The following SLC35F2 variants were observed in gnomAD, a reference collection of about 807,000 sequenced individuals.
SLC35F2 encodes solute carrier family 35 member F2.
SLC35F2 carries 25 observed loss-of-function variants against 38.1 expected under a neutral mutation model. The ratio of observed to expected loss-of-function variants is 0.66; its 90% CI spans 0.48 to 0.92. The LOEUF (loss-of-function observed/expected upper bound fraction) is 0.92. Ranked by LOEUF, SLC35F2 falls within the 40% of genes least tolerant of loss-of-function variation. The pLI is 0.00. For synonymous variants in SLC35F2, 173 were observed against 181.7 expected, an observed-to-expected ratio of 0.95 and a Z score of 0.38; for missense variants, 409 against 452.9, an observed-to-expected ratio of 0.90 and a Z score of 0.88.
intron 1 of SLC35F2, among the ~76,000 whole-genome samples, chr11:107,833,998 G>A (rs1025695956): frequency 7.9e-5 from 12 of 152,184 alleles, no homozygotes; most frequent in Middle Eastern, 3.2e-3. Context: ...ATGCTATGCC[G>A]GACACGGACT....
Position 107,807,271 on chromosome 11 carries a change from C to CAAAA in SLC35F2, c.415-399_415-396dup, listed in dbSNP as rs201964530. Among the ~76,000 whole-genome samples the CAAAA allele has an allele frequency of 1.4e-4, 10 of 70,900 alleles. 1 individual carries two copies. Among genetic ancestry groups the CAAAA allele is most frequent in the African/African-American group, 2.2e-4 (4 of 18,100 alleles). The allele number at this position is 70,900 out of a possible 152,430, so 46.5% of individuals were successfully genotyped here. A position where few individuals can be genotyped will look rare whatever the true frequency, so the allele number is the denominator to read the frequency against. On this transcript the variant is annotated intron_variant, in intron 3 of 7. Coordinates refer to ENST00000525815, the MANE Select transcript of SLC35F2 (RefSeq NM_017515.5). ...GCAACATGGTGAAACCCTGTCTGTACAAAAAAAAAAAAAAACAACAACAAA... is the reference window on the plus strand; with the variant it reads ...GCAACATGGTGAAACCCTGTCTGTACAAAAAAAAAAAAAAAAAAACAACAACAAA...
chr11:107,809,329 C>CAAAAAAAAAA (rs61511493), intron 3 of SLC35F2, among the ~76,000 whole-genome samples: 4 of 96,120 alleles, frequency 4.2e-5, no homozygotes, highest in African/African-American at 7.0e-5. Context: ...ACTCAAAATA[C>CAAAAAAAAAA]AAAAAAAAAA....
chr11:107,845,217 A>C (rs1860087350), intron 1 of SLC35F2, among the ~76,000 whole-genome samples: 1 of 152,156 alleles, frequency 6.6e-6, no homozygotes, highest in African/African-American at 2.4e-5. Context: ...ATGCAGCACA[A>C]CACCATCCTC....
chr11:107,832,296 T>C (rs1283080157), intron 1 of SLC35F2, among the ~76,000 whole-genome samples: 1 of 152,198 alleles, frequency 6.6e-6, no homozygotes, highest in Non-Finnish European at 1.5e-5. Context: ...CCGGAACTGG[T>C]TTATTCTATT....
At chr11:107,853,719 CAAAAA>C (rs67932834) in intron 1 of SLC35F2, among the ~76,000 whole-genome samples, 1 of 68,190 alleles carries the variant, frequency 1.5e-5, no homozygotes, top group South Asian at 6.1e-4. Flanking sequence ...GACTCCGTCT[CAAAAA>C]AAAAAAAAAA....
rs554957978 is a variant in SLC35F2 at position 107,808,014 on chromosome 11, C to A, written c.415-1138G>T. On this transcript the variant is annotated intron_variant, in intron 3 of 7. Coordinates refer to ENST00000525815, the MANE Select transcript of SLC35F2 (RefSeq NM_017515.5). ...AGGAATAGCGGTGAACAGGACAGAGCAAGCTGTGTCCTTAGGAGCACACAA... is the reference window on the plus strand; with the variant it reads ...AGGAATAGCGGTGAACAGGACAGAGAAAGCTGTGTCCTTAGGAGCACACAA... 3.9e-5 allele frequency among the ~76,000 whole-genome samples: 6 copies of A among 152,320 alleles called. No individual in the cohort carries two copies. The South Asian group carries it at 1.2e-3, about 32-fold the overall frequency.
chr11:107,808,892 G>C (rs901942537), intron 3 of SLC35F2, among the ~76,000 whole-genome samples: 2 of 152,152 alleles, frequency 1.3e-5, no homozygotes, highest in East Asian at 3.8e-4. Context: ...GACATTCTAA[G>C]AACTACCACA....
At chr11:107,854,994 G>A (rs1395045087) in intron 1 of SLC35F2, among the ~76,000 whole-genome samples, 2 of 152,178 alleles carry the variant, frequency 1.3e-5, no homozygotes, top group East Asian at 1.9e-4. Context: ...CTTGGGACAT[G>A]AGTTTTGACA....
chr11:107,856,838 A>G (rs1361725032), intron 1 of SLC35F2, among the ~76,000 whole-genome samples: 1 of 129,954 alleles, frequency 7.7e-6, no homozygotes, highest in Admixed American at 8.3e-5. Context: ...CGGAGCACAG[A>G]GAAGTGACTT....
At chr11:107,810,421 A>G in intron 3 of SLC35F2, 1 of 985,016 alleles carries the variant, frequency 1.0e-6, no homozygotes, top group Non-Finnish European at 1.2e-6. Flanking sequence ...AGTTCCTGGG[A>G]ATTGTAATCA....
intron 4 of SLC35F2, 123 bp from the exon 5 acceptor site, chr11:107,805,638 C>CT: frequency 6.9e-7 from 1 of 1,454,946 alleles, no homozygotes; most frequent in South Asian, 1.5e-5. Flanking sequence ...AAACTGGTTA[C>CT]TAGAAGTTTA....
intron 1 of SLC35F2, among the ~76,000 whole-genome samples, chr11:107,828,732 C>CAT (rs150410038): frequency 0.057 from 8,740 of 152,040 alleles, 509 homozygotes; most frequent in African/African-American, 0.15. Flanking sequence ...TAGCTCCTAA[C>CAT]AACAAAAAAG....
At chr11:107,804,845 T>G in intron 5 of SLC35F2, 75 bp from the exon 6 acceptor site, 1 of 1,261,548 alleles carries the variant, frequency 7.9e-7, no homozygotes, top group Non-Finnish European at 1.1e-6. Context: ...TTAGTCACTA[T>G]ACTTCAGCTA....
chr11:107,802,315 C>T (rs1005300164), intron 7 of SLC35F2, among the ~76,000 whole-genome samples: 1 of 151,532 alleles, frequency 6.6e-6, no homozygotes, highest in Non-Finnish European at 1.5e-5. Flanking sequence ...GTGTATCAGA[C>T]TCTCTGAGGA....
intron 2 of SLC35F2, 91 bp from the exon 3 acceptor site, chr11:107,811,885 C>T: frequency 2.4e-6 from 3 of 1,248,228 alleles, no homozygotes; most frequent in East Asian, 2.5e-5. Flanking sequence ...GCAAGAGTTT[C>T]TTGTTTTTTT....
chr11:107,812,046 C>T (rs1859490620), intron 2 of SLC35F2, among the ~76,000 whole-genome samples: 2 of 152,016 alleles, frequency 1.3e-5, no homozygotes, highest in Non-Finnish European at 2.9e-5. Context: ...GGACCACAGG[C>T]GTACGCCACC....
At chr11:107,799,791 A>ATCTC (rs538081036) in intron 7 of SLC35F2, among the ~76,000 whole-genome samples, 126 of 151,874 alleles carry the variant, frequency 8.3e-4, no homozygotes, top group Middle Eastern at 6.8e-3. Context: ...GATGGTCTCG[A>ATCTC]TCTCTTGACC....
chr11:107,821,069 C>T (rs114618061), intron 1 of SLC35F2, among the ~76,000 whole-genome samples: 1,889 of 152,306 alleles, frequency 0.012, 58 homozygotes, highest in African/African-American at 0.044. Flanking sequence ...CTTCCCTGTA[C>T]ATCATGGGGG....
At chr11:107,834,484 C>T (rs552392396) in intron 1 of SLC35F2, among the ~76,000 whole-genome samples, 33 of 152,220 alleles carry the variant, frequency 2.2e-4, no homozygotes, top group Admixed American at 5.9e-4. Context: ...AACCCCATCT[C>T]TACTAAAAAT....
Sources: gnomAD v4.1 joint callset for allele counts (sites outside exome capture counted in the v4.1 genomes callset) on GRCh38, gnomAD v4.1.1 for gene constraint, MANE v1.5 for transcripts, NCBI Gene and HGNC (gene_info 2026-07-23, HGNC 2026-07-21) for gene names.